LPP: variants seen among roughly 807,000 people sequenced by gnomAD.
LPP encodes the protein lipoma-preferred partner.
Under a neutral mutation model 60.4 loss-of-function variants are expected in LPP, and 38 were observed. The observed-to-expected ratio is 0.63, with a 90% confidence interval of 0.49 to 0.83. LPP has a LOEUF of 0.83. LPP is among the 40% of genes least tolerant of loss of function. The pLI, the probability that LPP is intolerant of heterozygous loss-of-function variation, is 0.00. For missense variants in LPP, 902 were observed against 783.6 expected, an observed-to-expected ratio of 1.15 and a Z score of -1.80; for synonymous variants, 328 against 290.8, an observed-to-expected ratio of 1.13 and a Z score of -1.30.
intron 9 of LPP, among the ~76,000 whole-genome samples, chr3:188,812,581 A>G (rs1312611834): frequency 6.6e-6 from 1 of 152,196 alleles, no homozygotes; most frequent in Non-Finnish European, 1.5e-5. Context: ...GGATGTTTTA[A>G]AGATTATATT....
intron 2 of LPP, among the ~76,000 whole-genome samples, chr3:188,255,524 A>G (rs56802000): frequency 0.017 from 2,568 of 152,250 alleles, 66 homozygotes; most frequent in African/African-American, 0.056. Context: ...GACCTCCTCC[A>G]CACACCCCCT....
At chr3:188,317,637 A>G (rs924811765) in intron 2 of LPP, among the ~76,000 whole-genome samples, 13 of 152,214 alleles carry the variant, frequency 8.5e-5, no homozygotes, top group African/African-American at 2.2e-4. Flanking sequence ...TTAGCCTGCT[A>G]AAGTTATATT....
intron 5 of LPP, among the ~76,000 whole-genome samples, chr3:188,500,892 CCTA>C (rs1338968284): frequency 6.6e-6 from 1 of 151,942 alleles, no homozygotes; most frequent in Non-Finnish European, 1.5e-5. Context: ...TAGTAATGCC[CCTA>C]CTTTTATTTT....
chr3:188,619,209 G>A (rs2151526140), intron 7 of LPP, among the ~76,000 whole-genome samples: 1 of 152,242 alleles, frequency 6.6e-6, no homozygotes, highest in African/African-American at 2.4e-5. Context: ...ATTTTTGGTA[G>A]AGACGGGGTT....
In LPP at chr3:188,609,821, T is replaced by A; in HGVS notation, c.1090T>A (p.Cys364Ser). 6.2e-7 allele frequency: 1 copy of A among 1,612,444 alleles called. No homozygotes were observed. The highest frequency in any genetic ancestry group is 8.5e-7 in the Non-Finnish European group (1 of 1,179,424). The change falls in exon 7 of 12, where the codon TGT (cysteine) becomes AGT (serine). Residue 364 changes from cysteine to serine, a missense_variant. Transcript: ENST00000617246. The surrounding 1 kb of genome is among the most constrained non-coding windows in gnomAD (Gnocchi z 6.9). The part of the protein sequence containing the change: ...TYITDPVSAP[C>S]APPLQPKGGH... ...TATCACAGATCCTGTTTCAGCCCCC[T>A]GTGCGCCACCATTGCAGCCAAAGGT... is the stretch of plus-strand genomic sequence containing the variant.
chr3:188,226,089 A>G (rs1298128959), intron 2 of LPP, among the ~76,000 whole-genome samples: 1 of 151,918 alleles, frequency 6.6e-6, no homozygotes, highest in Admixed American at 6.6e-5. Context: ...GCTCACTGCA[A>G]CCTCCACCTC....
chr3:188,259,644 C>T (rs971042095), intron 2 of LPP, among the ~76,000 whole-genome samples: 2 of 152,208 alleles, frequency 1.3e-5, no homozygotes, highest in African/African-American at 4.8e-5. Context: ...TTGATATCTA[C>T]TGCTGTGCCA....
chr3:188,366,187 C>T (rs149464301), intron 3 of LPP, among the ~76,000 whole-genome samples: 3 of 152,346 alleles, frequency 2.0e-5, no homozygotes, highest in Admixed American at 2.0e-4. Context: ...CCTCCAGATT[C>T]ATCCATCTTC....
intron 2 of LPP, among the ~76,000 whole-genome samples, chr3:188,292,412 A>G (rs1294601044): frequency 1.3e-5 from 2 of 152,226 alleles, no homozygotes; most frequent in Non-Finnish European, 2.9e-5. Context: ...TCTACACTCC[A>G]AAAAACAGAA....
rs970457621 is a variant in LPP, at chr3:188,217,236, T to G, written c.-189-8169T>G. Among the ~76,000 whole-genome samples, 5 of 152,048 alleles carry G rather than the reference T, an allele frequency of 3.3e-5. No homozygotes were observed. The highest frequency in any genetic ancestry group is 7.4e-5 in the Non-Finnish European group (5 of 68,016). ...GATCTGAGTGACAAGGAGGCCACCTTGTAGAAGTTGGGGGAAGAGCACTGC... is the reference window on the plus strand; with the variant it reads ...GATCTGAGTGACAAGGAGGCCACCTGGTAGAAGTTGGGGGAAGAGCACTGC... On this transcript the variant is annotated intron_variant, in intron 1 of 11. Coordinates refer to ENST00000617246, the MANE Select transcript of LPP (RefSeq NM_001375462.1). This position sits in a 1 kb window ranked among gnomAD's most constrained non-coding sequence, Gnocchi z 4.0.
chr3:188,729,822 G>GA (rs201767392), intron 8 of LPP, among the ~76,000 whole-genome samples: 34,358 of 137,474 alleles, frequency 0.25, 4,436 homozygotes, highest in Middle Eastern at 0.49. Context: ...TACAAAAAGT[G>GA]AAAAAAAAAA....
intron 10 of LPP, 63 bp downstream of exon 10, chr3:188,866,441 G>A: frequency 8.0e-7 from 1 of 1,256,040 alleles, no homozygotes; most frequent in Non-Finnish European, 1.0e-6. Flanking sequence ...CTTACTGCTT[G>A]GCATCTGGGC....
intron 9 of LPP, among the ~76,000 whole-genome samples, chr3:188,858,383 A>T (rs1764331494): frequency 6.6e-6 from 1 of 152,184 alleles, no homozygotes; most frequent in South Asian, 2.1e-4. Context: ...ATTCAAAAGA[A>T]GTGTTTTGGA....
chr3:188,359,764 A>G lies in LPP; in HGVS notation c.-10+18045A>G, dbSNP rs550151578. ...TGTTCCTTTCCCTATTTGTCTGCTG[A>G]ACTCATCTGTCTCCAGGTTGTAAAT... On this transcript the variant is annotated intron_variant, in intron 3 of 11. Coordinates refer to ENST00000617246, the MANE Select transcript of LPP (RefSeq NM_001375462.1). Among the ~76,000 whole-genome samples the G allele has an allele frequency of 1.5e-3, 227 of 152,232 alleles. 1 individual carries two copies. Among genetic ancestry groups the G allele is most frequent in the Non-Finnish European group, 2.5e-3 (167 of 68,004 alleles).
intron 8 of LPP, among the ~76,000 whole-genome samples, chr3:188,757,389 A>G (rs1412108078): frequency 6.6e-6 from 1 of 152,180 alleles, no homozygotes; most frequent in African/African-American, 2.4e-5. Flanking sequence ...TCAGTGATTG[A>G]AGTTTGCTCC....
At chr3:188,239,947 T>G (rs2149436988) in intron 2 of LPP, 1 of 201,414 alleles carries the variant, frequency 5.0e-6, no homozygotes, top group South Asian at 1.9e-4. Context: ...GCAATTTATT[T>G]TATCCCAAAC....
chr3:188,834,324 G>GTTTTTTTTTTTTTTTTTTTTTTGGTTT (rs1757818047), intron 9 of LPP, among the ~76,000 whole-genome samples: 1 of 34,076 alleles, frequency 2.9e-5, no homozygotes, highest in African/African-American at 1.4e-4. Flanking sequence ...CTTTTTGGGT[G>GTTTTTTTTTTTTTTTTTTTTTTGGTTT]TTTTTTTTTT....
intron 4 of LPP, among the ~76,000 whole-genome samples, chr3:188,463,722 T>C (rs1249086177): frequency 6.6e-6 from 1 of 152,234 alleles, no homozygotes; most frequent in Non-Finnish European, 1.5e-5. Flanking sequence ...AAGACCTGAG[T>C]AGAAATTGTA....
intron 9 of LPP, among the ~76,000 whole-genome samples, chr3:188,800,246 C>CTTTTTTTTTTTTTTTTTTTTT (rs33982362): frequency 1.0e-5 from 1 of 97,310 alleles, no homozygotes; most frequent in Non-Finnish European, 1.9e-5. Context: ...TTGAAGCTTT[C>CTTTTTTTTTTTTTTTTTTTTT]TTTTTTTTTT....
Sources: allele counts gnomAD v4.1 joint callset (sites outside exome capture counted in the v4.1 genomes callset), GRCh38; gene constraint gnomAD v4.1.1; non-coding constraint Gnocchi (gnomAD v3.1); transcripts MANE v1.5; gene names NCBI Gene and HGNC (gene_info 2026-07-23, HGNC 2026-07-21).